PRKCSH: variants seen among roughly 807,000 people sequenced by gnomAD.
PRKCSH encodes the protein PRKCSH beta subunit of glucosidase II.
Under a neutral mutation model 79.7 loss-of-function variants are expected in PRKCSH, and 42 were observed. The observed-to-expected ratio is 0.53, with a 90% CI of 0.41 to 0.68. PRKCSH has a LOEUF of 0.68. Ranked by LOEUF, PRKCSH falls within the 30% of genes least tolerant of loss-of-function variation. The pLI is 0.00. For synonymous variants in PRKCSH, 325 were observed against 288.2 expected, an observed-to-expected ratio of 1.13 and a Z score of -1.29; for missense variants, 686 against 709.0, an observed-to-expected ratio of 0.97 and a Z score of 0.37.
At chr19:11,445,002 C>T (rs1599499152) in intron 7 of PRKCSH, among the ~76,000 whole-genome samples, 1 of 152,288 alleles carries the variant, frequency 6.6e-6, no homozygotes, top group Middle Eastern at 3.4e-3. Context: ...GCTTCTTCCT[C>T]AGTCCCCAGC....
In PRKCSH at chr19:11,437,228, C is replaced by G. The variant is rs1459029040; in HGVS notation, c.197-648C>G. On this transcript the variant is annotated intron_variant, in intron 3 of 17. Transcript: ENST00000677123. ...TTTTTTTTTGTATTTTTAGTAGATACAGGGTTTCACTGTGTTAGCCAGGAT... is the reference window on the plus strand; with the variant it reads ...TTTTTTTTTGTATTTTTAGTAGATAGAGGGTTTCACTGTGTTAGCCAGGAT... Among the ~76,000 whole-genome samples, 6 of 149,648 alleles carry G rather than the reference C, an allele frequency of 4.0e-5. 1 individual carries two copies. In the South Asian group the frequency reaches 1.1e-3, roughly 26 times the overall value.
At position 11,437,951 on chromosome 19, in the gene PRKCSH, G is replaced by A. The variant is rs1190901969; in HGVS notation, c.272G>A (p.Arg91Gln). Residue 91 changes from arginine (R) to glutamine (Q), a missense_variant, in exon 4 of 18, where the codon CGG becomes CAG. Coordinates refer to ENST00000677123, the MANE Select transcript of PRKCSH (RefSeq NM_001289104.2). ...AAGCCCCTGTATATCCCCTCCAACC[G>A]GGTCAACGATGGTGTTTGTGGTAAG... ...GYKPLYIPSN[R>Q]VNDGVCDCCD... 9 of 1,614,132 alleles carry A rather than the reference G, an allele frequency of 5.6e-6. No homozygotes were observed. The highest frequency in any genetic ancestry group is 2.2e-5 in the East Asian group (1 of 44,878).
In PRKCSH at chr19:11,448,858, T is replaced by C; in HGVS notation, c.1287-56T>C. On this transcript the variant is annotated intron_variant, in intron 14 of 17. Transcript: ENST00000677123. This position sits in a 1 kb window ranked among gnomAD's most constrained non-coding sequence, Gnocchi z 4.4. ...TGGAGGAGGCGGTGGGGGGTGGCTG[T>C]GGGAGGAGGCTGGAATCCCTGCGTT... 2 of 1,601,298 alleles carry C rather than the reference T, an allele frequency of 1.2e-6. No individual in the cohort carries two copies. The highest frequency in any genetic ancestry group is 1.7e-6 in the Non-Finnish European group (2 of 1,168,588).
At position 11,448,148 on chromosome 19, in the gene PRKCSH, A is replaced by G. The variant is rs1970409101; in HGVS notation, c.1127-74A>G. 1.4e-6 allele frequency: 2 copies of G among 1,438,732 alleles called. No individual in the cohort carries two copies. Among genetic ancestry groups the G allele is most frequent in the Admixed American group, 2.0e-5 (1 of 50,796 alleles). The allele number at this position is 1,438,732 out of a possible 1,614,324, so 89.1% of individuals were successfully genotyped here. ...AATGAGGGTATGGGAGCACACAGCC[A>G]CATCCATGGAACCCCGTTCCCCATC... On this transcript the variant is annotated intron_variant, in intron 12 of 17. Coordinates refer to ENST00000677123, the MANE Select transcript of PRKCSH (RefSeq NM_001289104.2). This position sits in a 1 kb window ranked among gnomAD's most constrained non-coding sequence, Gnocchi z 4.4.
intron 5 of PRKCSH, among the ~76,000 whole-genome samples, chr19:11,438,538 C>T (rs1044432944): frequency 2.6e-5 from 4 of 152,030 alleles, no homozygotes; most frequent in East Asian, 3.9e-4. Flanking sequence ...AGGCGGATCA[C>T]GAGGTCAGGA....
rs906869924 is a variant in PRKCSH at position 11,447,012 on chromosome 19, G to T, written c.763-62G>T. 12 of 1,563,252 alleles carry T rather than the reference G, an allele frequency of 7.7e-6. No individual in the cohort carries two copies. The African/African-American group carries it at 1.5e-4, about 19-fold the overall frequency. On this transcript the variant is annotated intron_variant, in intron 9 of 17. Transcript: ENST00000677123. The surrounding 1 kb of genome is among the most constrained non-coding windows in gnomAD (Gnocchi z 5.6). The stretch of plus-strand genomic sequence containing the variant: ...GCCTGGCACCGCAGCCCGGGTGCCG[G>T]GGTGGCCGAGATGGGGGACACGTGG...
At position 11,447,265 on chromosome 19, in the gene PRKCSH, G is replaced by T; in HGVS notation, c.849+105G>T. 1 of 1,424,024 alleles carries T rather than the reference G, an allele frequency of 7.0e-7. No homozygotes were observed. 88.2% of individuals were successfully genotyped at this position (1,424,024 alleles called of 1,614,324 possible). ...TTCTGGCACCTGGCCACCCTGGCCA[G>T]CTGGGTGGCCCCAGCACCCCCCACC... On this transcript the variant is annotated intron_variant, in intron 10 of 17. Coordinates refer to ENST00000677123, the MANE Select transcript of PRKCSH (RefSeq NM_001289104.2). This position sits in a 1 kb window ranked among gnomAD's most constrained non-coding sequence, Gnocchi z 5.6.
At chr19:11,442,275 G>T (rs1970096553) in intron 6 of PRKCSH, 111 bp from the exon 7 acceptor site, 1 of 1,451,548 alleles carries the variant, frequency 6.9e-7, no homozygotes, top group Non-Finnish European at 9.3e-7. Context: ...AGCTTGGTGT[G>T]TGTTTTGGAA....
Position 11,447,011 on chromosome 19 carries a change from G to C in PRKCSH, c.763-63G>C. Reference sequence around the variant, plus strand: ...TGCCTGGCACCGCAGCCCGGGTGCCGGGGTGGCCGAGATGGGGGACACGTG... The same window carrying C: ...TGCCTGGCACCGCAGCCCGGGTGCCCGGGTGGCCGAGATGGGGGACACGTG... On this transcript the variant is annotated intron_variant, in intron 9 of 17. Coordinates refer to ENST00000677123, the MANE Select transcript of PRKCSH (RefSeq NM_001289104.2). This position sits in a 1 kb window ranked among gnomAD's most constrained non-coding sequence, Gnocchi z 5.6. 1 of 1,559,716 alleles carries C rather than the reference G, an allele frequency of 6.4e-7. No homozygotes were observed. The highest frequency in any genetic ancestry group is 8.8e-7 in the Non-Finnish European group (1 of 1,130,862).
intron 5 of PRKCSH, among the ~76,000 whole-genome samples, chr19:11,439,414 TAA>T (rs149089405): frequency 5.0e-5 from 7 of 140,834 alleles, no homozygotes; most frequent in Non-Finnish European, 1.1e-4. Flanking sequence ...CTATAAAAAG[TAA>T]AAAAAAAAAA....
Position 11,436,163 on chromosome 19 carries a change from G to A in PRKCSH, c.46G>A (p.Glu16Lys). 1 of 1,599,762 alleles carries A rather than the reference G, an allele frequency of 6.3e-7. No individual in the cohort carries two copies. Among genetic ancestry groups the A allele is most frequent in the Non-Finnish European group, 8.5e-7 (1 of 1,174,690 alleles). Residue 16 changes from glutamate to lysine, a missense_variant, in exon 2 of 18, where the codon GAG (glutamate) becomes AAG (lysine). Glu to Lys is a moderately conservative substitution (Grantham distance 56). This residue lies in a region of PRKCSH where 549 missense variants were observed against 520.2 expected (regional missense o/e 1.06). Coordinates refer to ENST00000677123, the MANE Select transcript of PRKCSH (RefSeq NM_001289104.2). ...LLLLPMCWAV[E>K]VKRPRGVSLT... ...GCTGCTACCCATGTGCTGGGCCGTG[G>A]AGGTCAAGAGGCCCCGGGGCGTCTC...
chr19:11,445,922 T>A, intron 8 of PRKCSH: 20 of 204,774 alleles, frequency 9.8e-5, no homozygotes, highest in Admixed American at 4.7e-4. Flanking sequence ...AGGGACCGAA[T>A]GGGCAAGGGT....
chr19:11,446,262 G>T lies in PRKCSH; in HGVS notation c.684-10G>T, dbSNP rs779928151. ...CACCCCTCCAGTCTGCTTCTGCCAC[G>T]CCCCCGCAGGGTCTCGGTGACTGAG... On this transcript the variant is annotated splice_polypyrimidine_tract_variant and intron_variant, in intron 8 of 17. Coordinates refer to ENST00000677123, the MANE Select transcript of PRKCSH (RefSeq NM_001289104.2). 1 of 1,612,964 alleles carries T rather than the reference G, an allele frequency of 6.2e-7. No homozygotes were observed. Among genetic ancestry groups the T allele is most frequent in the Non-Finnish European group, 8.5e-7 (1 of 1,179,666 alleles).
In PRKCSH at chr19:11,447,783, A is replaced by G. The variant is rs1420912029; in HGVS notation, c.1120A>G (p.Ile374Val). 2.5e-6 allele frequency: 4 copies of G among 1,575,334 alleles called. No individual in the cohort carries two copies. The highest frequency in any genetic ancestry group is 1.3e-5 in the African/African-American group (1 of 74,228). The change falls in exon 12 of 18, where the codon ATC becomes GTC. Residue 374 changes from isoleucine (I) to valine (V), a missense_variant. Ile to Val is a conservative substitution (Grantham distance 29, BLOSUM62 3). Transcript: ENST00000677123. The surrounding 1 kb of genome is among the most constrained non-coding windows in gnomAD (Gnocchi z 5.6). ...CTACGACGAGCAGACGCAGGCCTTC[A>G]TCGATGGTGAGGGTGGGCGGGGGCC... The part of the protein sequence containing the change: ...PPYDEQTQAF[I>V]DAAQEARNKF...
intron 7 of PRKCSH, 36 bp from the exon 8 acceptor site, chr19:11,445,353 G>A (rs753291262): frequency 6.2e-6 from 10 of 1,607,140 alleles, no homozygotes; most frequent in Non-Finnish European, 6.8e-6. Context: ...GGAGCCGGTG[G>A]GTGGGCAGGG....
intron 7 of PRKCSH, among the ~76,000 whole-genome samples, chr19:11,444,741 G>T (rs112009259): frequency 1.4e-3 from 206 of 152,176 alleles, no homozygotes; most frequent in African/African-American, 4.7e-3. Context: ...TGTCCGGCTG[G>T]CCCCTCTTCC....
intron 7 of PRKCSH, 140 bp downstream of exon 7, chr19:11,442,655 T>G (rs747164602): frequency 1.5e-5 from 20 of 1,358,624 alleles, no homozygotes; most frequent in Non-Finnish European, 1.9e-5. Context: ...GCTTTGAGGT[T>G]CGCTTGGATT....
At position 11,449,506 on chromosome 19, in the gene PRKCSH, G is replaced by A; in HGVS notation, c.*16+78G>A. On this transcript the variant is annotated intron_variant, in intron 17 of 17. Transcript: ENST00000677123. The surrounding 1 kb of genome is among the most constrained non-coding windows in gnomAD (Gnocchi z 6.4). Reference sequence around the variant, plus strand: ...GGCCCTGAGGAAGATGGACCCACATGGCCACTCTATCAACCTGTGTCCCCA... The same window carrying A: ...GGCCCTGAGGAAGATGGACCCACATAGCCACTCTATCAACCTGTGTCCCCA... The A allele has an allele frequency of 6.4e-7, 1 of 1,569,984 alleles. No homozygotes were observed. The highest frequency in any genetic ancestry group is 2.2e-5 in the East Asian group (1 of 44,542).
Position 11,447,153 on chromosome 19 carries a change from G to T in PRKCSH, c.842G>T (p.Arg281Leu), listed in dbSNP as rs775833098. 4 of 1,613,884 alleles carry T rather than the reference G, an allele frequency of 2.5e-6. No homozygotes were observed. The Admixed American group carries it at 5.0e-5, about 20-fold the overall frequency. ...RVWAAIRDKY[R>L]SEALPTDLPA... ...TGGGCCGCCATCAGGGACAAGTACC[G>T]GTCCGAGGTCAGTGGAGGAGAAGGG... is the stretch of plus-strand genomic sequence containing the variant. Residue 281 changes from arginine (R) to leucine (L), a missense_variant, in exon 10 of 18, where the codon CGG becomes CTG. By Grantham distance (102) the Arg-to-Leu change is moderately radical. Coordinates refer to ENST00000677123, the MANE Select transcript of PRKCSH (RefSeq NM_001289104.2). The surrounding 1 kb of genome is among the most constrained non-coding windows in gnomAD (Gnocchi z 5.6).
Sources: gnomAD v4.1 joint callset for allele counts (sites outside exome capture counted in the v4.1 genomes callset) on GRCh38, gnomAD v4.1.1 for gene constraint, gnomAD v4.1.1 regional missense constraint, Gnocchi (gnomAD v3.1) non-coding constraint, MANE v1.5 for transcripts, NCBI Gene and HGNC (gene_info 2026-07-23, HGNC 2026-07-21) for gene names.